Variants in SIPA1L1 observed in about 807,000 individuals in gnomAD.
The protein encoded by SIPA1L1 is signal induced proliferation associated 1 like 1.
Under a neutral mutation model 162.7 loss-of-function variants are expected in SIPA1L1, and 26 were observed. The ratio of observed to expected loss-of-function variants is 0.16; its 90% CI spans 0.12 to 0.22. SIPA1L1 has a LOEUF of 0.22. SIPA1L1 is among the 10% of genes least tolerant of loss of function. The pLI is 1.00. For synonymous variants in SIPA1L1, 829 were observed against 837.4 expected (o/e 0.99, Z 0.17); for missense variants, 1,874 against 2,241.0 (o/e 0.84, Z 3.31).
At chr14:71,509,763 GAAAA>G (rs2050971076) in intron 2 of SIPA1L1, among the ~76,000 whole-genome samples, 1 of 149,154 alleles carries the variant, frequency 6.7e-6, no homozygotes, top group East Asian at 2.0e-4. Context: ...AAAAAAGAAA[GAAAA>G]AAGAAAGAAA....
rs764712515 is a variant in SIPA1L1 at position 71,588,733 on chromosome 14, A to G, written c.861A>G (p.Lys287=). The G allele has an allele frequency of 1.9e-6, 3 of 1,613,978 alleles. No individual in the cohort carries two copies. Among genetic ancestry groups the G allele is most frequent in the Non-Finnish European group, 2.5e-6 (3 of 1,179,984 alleles). ...EREKPLKRRS[K]SETGDSSIFR... is the part of the protein sequence containing the mutation. ...AAAAACCACTCAAGCGACGTTCAAA[A>G]TCTGAAACTGGAGACTCATCTATTT... Residue 287 remains lysine, a synonymous_variant, in exon 5 of 24, where the codon AAA becomes AAG. Coordinates refer to ENST00000381232, the MANE Select transcript of SIPA1L1 (RefSeq NM_001386936.1). The surrounding 1 kb of genome is among the most constrained non-coding windows in gnomAD (Gnocchi z 4.3).
At chr14:71,684,662 C>A (rs1200251375) in intron 12 of SIPA1L1, among the ~76,000 whole-genome samples, 1 of 149,486 alleles carries the variant, frequency 6.7e-6, no homozygotes, top group Non-Finnish European at 1.5e-5. Flanking sequence ...TGAAGCTGCT[C>A]GTACACCGTT....
intron 15 of SIPA1L1, among the ~76,000 whole-genome samples, chr14:71,703,083 CTA>C (rs1414999850): frequency 6.6e-6 from 1 of 152,140 alleles, no homozygotes; most frequent in African/African-American, 2.4e-5. Context: ...CCCTTTCTTT[CTA>C]TATATATGTT....
chr14:71,663,757 A>G (rs2043748228), intron 10 of SIPA1L1, among the ~76,000 whole-genome samples: 1 of 152,152 alleles, frequency 6.6e-6, no homozygotes, highest in South Asian at 2.1e-4. Flanking sequence ...TTAATGCTAG[A>G]AGTCTTTGCG....
intron 3 of SIPA1L1, among the ~76,000 whole-genome samples, chr14:71,528,484 G>C (rs1853546713): frequency 6.6e-6 from 1 of 151,888 alleles, no homozygotes; most frequent in Non-Finnish European, 1.5e-5. Context: ...GTGAAACCTT[G>C]TCTCTACTAA....
chr14:71,730,231 G>A lies in SIPA1L1; in HGVS notation c.4791G>A (p.Thr1597=), dbSNP rs368410593. The part of the protein sequence containing the change: ...ALPNDVLFSS[T]YPSLPKSLPL... ...CCAACGACGTCCTCTTCAGTAGCAC[G>A]TACCCTTCTCTCCCCAAGTCGCTCC... Residue 1597 remains threonine, a synonymous_variant, in exon 20 of 24, where the codon ACG becomes ACA. Transcript: ENST00000381232. The A allele has an allele frequency of 4.2e-5, 67 of 1,613,962 alleles. 1 individual carries two copies. The South Asian group carries it at 4.7e-4, about 11-fold the overall frequency.
At chr14:71,578,139 G>A (rs1461960747) in intron 4 of SIPA1L1, among the ~76,000 whole-genome samples, 1 of 152,058 alleles carries the variant, frequency 6.6e-6, no homozygotes, top group Non-Finnish European at 1.5e-5. Flanking sequence ...TTGAACTCCT[G>A]ACCTCATGAT....
chr14:71,664,067 A>G (rs1361904765), intron 10 of SIPA1L1, among the ~76,000 whole-genome samples: 1 of 152,226 alleles, frequency 6.6e-6, no homozygotes, highest in Non-Finnish European at 1.5e-5. Flanking sequence ...AAGACACAGA[A>G]TAAACAGGAC....
At chr14:71,356,468 T>C (rs1018952248) in intron 2 of SIPA1L1, among the ~76,000 whole-genome samples, 2 of 148,350 alleles carry the variant, frequency 1.3e-5, no homozygotes, top group African/African-American at 5.0e-5. Context: ...ACGTGGCTCA[T>C]GCCTGTGATC....
intron 20 of SIPA1L1, among the ~76,000 whole-genome samples, chr14:71,731,334 A>G (rs1465513459): frequency 6.6e-6 from 1 of 151,912 alleles, no homozygotes; most frequent in East Asian, 1.9e-4. Flanking sequence ...TGCTCCTTAA[A>G]TCTCCTTAAA....
intron 19 of SIPA1L1, among the ~76,000 whole-genome samples, chr14:71,728,781 C>G (rs1440454044): frequency 1.3e-5 from 2 of 152,254 alleles, no homozygotes; most frequent in Admixed American, 1.3e-4. Context: ...TCGAGGCAGA[C>G]AGTGGCCTAA....
At chr14:71,552,611 T>C (rs899107953) in intron 4 of SIPA1L1, among the ~76,000 whole-genome samples, 1 of 152,108 alleles carries the variant, frequency 6.6e-6, no homozygotes, top group African/African-American at 2.4e-5. Context: ...TTAGCCAAGA[T>C]GGTCTCGATC....
intron 2 of SIPA1L1, chr14:71,503,854 A>T (rs2050441815): frequency 6.6e-6 from 1 of 152,108 alleles, no homozygotes; most frequent in Non-Finnish European, 1.5e-5. Flanking sequence ...CCCAGACTAG[A>T]GTACAGTGGT....
rs1172713535 is a variant in SIPA1L1 at position 71,330,558 on chromosome 14, G to A, written c.-465+9377G>A. 5 of 1,312,524 alleles carry A rather than the reference G, an allele frequency of 3.8e-6. No individual in the cohort carries two copies. In the East Asian group the frequency reaches 1.1e-4, roughly 30 times the overall value. The allele number at this position is 1,312,524 out of a possible 1,614,324, so 81.3% of individuals were successfully genotyped here. A position where few individuals can be genotyped will look rare whatever the true frequency, so the allele number is the denominator to read the frequency against. The stretch of plus-strand genomic sequence containing the variant: ...TGGAGATGAAGATGCCTAGCTGGGA[G>A]GCCTTTCCTCCTCAGATGTTAAATC... On this transcript the variant is annotated intron_variant, in intron 2 of 23. Coordinates refer to ENST00000381232, the MANE Select transcript of SIPA1L1 (RefSeq NM_001386936.1).
intron 2 of SIPA1L1, among the ~76,000 whole-genome samples, chr14:71,429,670 G>C (rs376299984): frequency 1.3e-5 from 2 of 152,058 alleles, no homozygotes; most frequent in African/African-American, 4.8e-5. Flanking sequence ...AGACACTCTC[G>C]AATTGCTTTA....
chr14:71,376,197 G>A (rs557872796), intron 2 of SIPA1L1, among the ~76,000 whole-genome samples: 2 of 152,030 alleles, frequency 1.3e-5, no homozygotes, highest in Non-Finnish European at 1.5e-5. Context: ...TTAAATAACA[G>A]ATTTGATGTC....
At chr14:71,609,077 C>T (rs1168566652) in intron 5 of SIPA1L1, among the ~76,000 whole-genome samples, 1 of 151,994 alleles carries the variant, frequency 6.6e-6, no homozygotes, top group Admixed American at 6.6e-5. Context: ...GTCTTAAATA[C>T]AGTTGTATAT....
chr14:71,456,287 T>A (rs371579972), intron 2 of SIPA1L1, among the ~76,000 whole-genome samples: 15 of 152,366 alleles, frequency 9.8e-5, no homozygotes, highest in African/African-American at 3.4e-4. Context: ...ACGCATTAAC[T>A]GATCCATCAT....
At position 71,381,559 on chromosome 14, in the gene SIPA1L1, A is replaced by G. The variant is rs964242687; in HGVS notation, c.-465+60378A>G. On this transcript the variant is annotated intron_variant, in intron 2 of 23. Coordinates refer to ENST00000381232, the MANE Select transcript of SIPA1L1 (RefSeq NM_001386936.1). ...ATGTTTGTATTTGTTGACATAAAGTATAGACAGCTTTAGCACTTGAAAAAT... is the reference window on the plus strand; with the variant it reads ...ATGTTTGTATTTGTTGACATAAAGTGTAGACAGCTTTAGCACTTGAAAAAT... Among the ~76,000 whole-genome samples, 5 of 152,380 alleles carry G rather than the reference A, an allele frequency of 3.3e-5. No individual in the cohort carries two copies. The East Asian group carries it at 9.6e-4, about 29-fold the overall frequency.
Sources: allele counts gnomAD v4.1 joint callset (sites outside exome capture counted in the v4.1 genomes callset), GRCh38; gene constraint gnomAD v4.1.1; non-coding constraint Gnocchi (gnomAD v3.1); transcripts MANE v1.5; gene names NCBI Gene and HGNC (gene_info 2026-07-23, HGNC 2026-07-21).